Variants in NCK1 observed in about 807,000 individuals in gnomAD.
NCK1 encodes the protein SH2/SH3 adapter protein NCK1.
In NCK1, 19 loss-of-function variants were observed where a neutral mutation model predicts 36.6. The ratio of observed to expected loss-of-function variants is 0.52; its 90% CI spans 0.36 to 0.76. The LOEUF (loss-of-function observed/expected upper bound fraction) is 0.76. Among genes scored for constraint, NCK1 ranks in the 30% least tolerant of loss-of-function variants. NCK1 has a pLI of 0.00. For synonymous variants in NCK1, 165 were observed against 156.0 expected (o/e 1.06, Z -0.43); for missense variants, 358 against 445.6 (o/e 0.80, Z 1.77).
At chr3:136,870,341 CA>C (rs34144951) in intron 1 of NCK1, among the ~76,000 whole-genome samples, 2,413 of 146,456 alleles carry the variant, frequency 0.016, 29 homozygotes, top group Non-Finnish European at 0.027. Context: ...GACTTAATCT[CA>C]AAAAAAAAAA....
At chr3:136,918,677 TG>T (rs1940029561) in intron 1 of NCK1, among the ~76,000 whole-genome samples, 1 of 152,228 alleles carries the variant, frequency 6.6e-6, no homozygotes, top group Non-Finnish European at 1.5e-5. Context: ...TGAGATTTTT[TG>T]GTGATTATTT....
chr3:136,916,200 T>C (rs1365127642), intron 1 of NCK1, among the ~76,000 whole-genome samples: 2 of 152,112 alleles, frequency 1.3e-5, no homozygotes, highest in East Asian at 3.8e-4. Flanking sequence ...AAATCCAAAC[T>C]GTATCAAGGG....
At chr3:136,870,802 C>T (rs1233899777) in intron 1 of NCK1, among the ~76,000 whole-genome samples, 1 of 151,904 alleles carries the variant, frequency 6.6e-6, no homozygotes, top group Non-Finnish European at 1.5e-5. Flanking sequence ...ATAGCTTAGC[C>T]CTTTTTTGCT....
In NCK1 at chr3:136,945,960, A is replaced by G. The variant is rs766816380; in HGVS notation, c.604A>G (p.Ser202Gly). ...LHVVQALYPF[S>G]SSNDEELNFE... Reference sequence around the variant, plus strand: ...TGTGGTACAGGCTCTTTACCCATTCAGCTCATCTAATGATGAAGAACTTAA... The same window carrying G: ...TGTGGTACAGGCTCTTTACCCATTCGGCTCATCTAATGATGAAGAACTTAA... The change falls in exon 3 of 4, where the codon AGC becomes GGC. Residue 202 changes from serine to glycine, a missense_variant. By Grantham distance (56) the Ser-to-Gly change is moderately conservative. This residue lies in a region of NCK1 where 207 missense variants were observed against 253.4 expected (regional missense o/e 0.82). Coordinates refer to ENST00000481752, the MANE Select transcript of NCK1 (RefSeq NM_001291999.2). The G allele has an allele frequency of 1.8e-5, 29 of 1,613,996 alleles. No individual in the cohort carries two copies. The highest frequency in any genetic ancestry group is 2.4e-5 in the Non-Finnish European group (28 of 1,180,000).
chr3:136,910,838 G>C (rs1313568253), intron 1 of NCK1, among the ~76,000 whole-genome samples: 2 of 151,980 alleles, frequency 1.3e-5, no homozygotes, highest in Non-Finnish European at 2.9e-5. Context: ...CATTAATACT[G>C]ACTGGAATCA....
At chr3:136,928,340 T>G in intron 2 of NCK1, 113 bp downstream of exon 2, 1 of 1,032,434 alleles carries the variant, frequency 9.7e-7, no homozygotes, top group Non-Finnish European at 1.4e-6. Context: ...AGGCAAGGGC[T>G]AGGTAAGTTT....
intron 1 of NCK1, among the ~76,000 whole-genome samples, chr3:136,917,105 C>T (rs1249258090): frequency 6.6e-6 from 1 of 152,120 alleles, no homozygotes; most frequent in Non-Finnish European, 1.5e-5. Flanking sequence ...AGCATTGGTT[C>T]AGTTTATGTG....
At chr3:136,901,148 G>A (rs1939530474) in intron 1 of NCK1, among the ~76,000 whole-genome samples, 1 of 152,050 alleles carries the variant, frequency 6.6e-6, no homozygotes, top group South Asian at 2.1e-4. Context: ...TGCTTTTTCT[G>A]TGTCTGTTGA....
At chr3:136,879,645 T>G (rs891645403) in intron 1 of NCK1, among the ~76,000 whole-genome samples, 1 of 152,032 alleles carries the variant, frequency 6.6e-6, no homozygotes, top group Non-Finnish European at 1.5e-5. Context: ...ATAAAGAAAA[T>G]GTGGCACATG....
rs1438080395 is a variant in NCK1, at chr3:136,913,085, A to G, written c.-18-14899A>G. ...GGTAGCTTTTTAAAAGTCTTTGTCT[A>G]TTAGGCCCGTCTTCTGATCTTTCTC... On this transcript the variant is annotated intron_variant, in intron 1 of 3. Transcript: ENST00000481752. Among the ~76,000 whole-genome samples the G allele has an allele frequency of 4.7e-5, 7 of 150,530 alleles. No homozygotes were observed. The South Asian group carries it at 6.4e-4, about 14-fold the overall frequency.
chr3:136,891,776 G>T (rs904726018), intron 1 of NCK1, among the ~76,000 whole-genome samples: 3 of 151,944 alleles, frequency 2.0e-5, no homozygotes, highest in African/African-American at 7.3e-5. Flanking sequence ...GTTTTGATTT[G>T]GATTTTTCTA....
intron 2 of NCK1, among the ~76,000 whole-genome samples, chr3:136,935,592 C>T (rs998912697): frequency 6.6e-6 from 1 of 151,936 alleles, no homozygotes; most frequent in African/African-American, 2.4e-5. Flanking sequence ...AGTGGGGTCA[C>T]GAAACCTCTG....
chr3:136,864,874 C>T (rs1334452058), intron 1 of NCK1, among the ~76,000 whole-genome samples: 11 of 147,936 alleles, frequency 7.4e-5, no homozygotes, highest in Admixed American at 2.7e-4. Context: ...TCTTGTGCCT[C>T]GGCCTCCTAA....
At chr3:136,863,240 C>G (rs1190316504) in intron 1 of NCK1, among the ~76,000 whole-genome samples, 2 of 152,084 alleles carry the variant, frequency 1.3e-5, no homozygotes, top group Non-Finnish European at 2.9e-5. Context: ...GGGTAGGGAG[C>G]AAAGCAGCTC....
intron 2 of NCK1, chr3:136,930,509 A>G: frequency 7.3e-7 from 1 of 1,374,162 alleles, no homozygotes; most frequent in Non-Finnish European, 9.4e-7. Context: ...CTCACTGAGA[A>G]TTATCCTGAG....
chr3:136,949,565 T>C lies in NCK1; in HGVS notation c.*1112T>C, dbSNP rs924556405. On this transcript the variant is annotated 3_prime_UTR_variant, in exon 4 of 4. Transcript: ENST00000481752. ...TTTGGGTGTATGGATAAGAGGCCAATCTGCTTCTGTAGGCTATAGAAGAAA... is the reference window on the plus strand; with the variant it reads ...TTTGGGTGTATGGATAAGAGGCCAACCTGCTTCTGTAGGCTATAGAAGAAA... The C allele has an allele frequency of 2.6e-5, 4 of 152,162 alleles. No homozygotes were observed. In the South Asian group the frequency reaches 8.3e-4, roughly 32 times the overall value. 9.4% of individuals were successfully genotyped at this position (152,162 alleles called of 1,614,324 possible). A position where few individuals can be genotyped will look rare whatever the true frequency, so the allele number is the denominator to read the frequency against.
intron 1 of NCK1, among the ~76,000 whole-genome samples, chr3:136,882,695 G>A (rs1938976507): frequency 6.6e-6 from 1 of 152,040 alleles, no homozygotes; most frequent in Non-Finnish European, 1.5e-5. Context: ...GGAAGGGGAA[G>A]TGTGTGTGGA....
At chr3:136,905,654 T>C (rs1939664812) in intron 1 of NCK1, among the ~76,000 whole-genome samples, 1 of 152,204 alleles carries the variant, frequency 6.6e-6, no homozygotes, top group African/African-American at 2.4e-5. Flanking sequence ...AGACAGGGTC[T>C]CACTCTGTTG....
chr3:136,897,502 T>C (rs570397699), intron 1 of NCK1, among the ~76,000 whole-genome samples: 1 of 152,332 alleles, frequency 6.6e-6, no homozygotes, highest in Admixed American at 6.5e-5. Flanking sequence ...TTTCATATAC[T>C]TGTTTGCCAT....
Sources: gnomAD v4.1 joint callset for allele counts (sites outside exome capture counted in the v4.1 genomes callset) on GRCh38, gnomAD v4.1.1 for gene constraint, gnomAD v4.1.1 regional missense constraint, MANE v1.5 for transcripts, NCBI Gene and HGNC (gene_info 2026-07-23, HGNC 2026-07-21) for gene names.